Variants in PLEKHA6 observed in about 807,000 individuals in gnomAD.
The protein encoded by PLEKHA6 is pleckstrin homology domain containing A6, also known as pleckstrin homology domain-containing family A member 6.
In PLEKHA6, 60 loss-of-function variants were observed where a neutral mutation model predicts 116.7. The ratio of observed to expected loss-of-function variants is 0.51; its 90% confidence interval spans 0.42 to 0.64. The LOEUF (loss-of-function observed/expected upper bound fraction) is 0.64, where lower values mean the gene tolerates loss of function less well. Ranked by LOEUF, PLEKHA6 falls within the 30% of genes least tolerant of loss-of-function variation. PLEKHA6 has a pLI of 0.00. For synonymous variants in PLEKHA6, 489 were observed against 556.1 expected, an observed-to-expected ratio of 0.88 and a Z score of 1.70; for missense variants, 1,338 against 1,422.7, an observed-to-expected ratio of 0.94 and a Z score of 0.96.
At position 204,281,000 on chromosome 1, in the gene PLEKHA6, A is replaced by T. The variant is rs938629564; in HGVS notation, c.-94-6191T>A. 3 of 984,736 alleles carry T rather than the reference A, an allele frequency of 3.0e-6. No homozygotes were observed. The Admixed American group carries it at 1.8e-4, about 61-fold the overall frequency. 61.0% of individuals were successfully genotyped at this position (984,736 alleles called of 1,614,324 possible). ...TCAGGCCCTGGCAGCACTTCTAGGT[A>T]TTTGCAGGTGGGAAGGAACCCCTCC... On this transcript the variant is annotated intron_variant, in intron 1 of 22. Coordinates refer to ENST00000272203, the MANE Select transcript of PLEKHA6 (RefSeq NM_014935.5).
At position 204,223,908 on chromosome 1, in the gene PLEKHA6, C is replaced by A. The variant is rs540982796; in HGVS notation, c.3032-323G>T. Among the ~76,000 whole-genome samples, 8 of 152,322 alleles carry A rather than the reference C, an allele frequency of 5.3e-5. No homozygotes were observed. Among genetic ancestry groups the A allele is most frequent in the Non-Finnish European group, 1.0e-4 (7 of 68,032 alleles). ...ATGGGGAGATTCACACACCTCTCCA[C>A]TACTGTGCAGACAGAACCAGGGAGT... is the stretch of plus-strand genomic sequence containing the variant. On this transcript the variant is annotated intron_variant, in intron 21 of 22. Transcript: ENST00000272203. The surrounding 1 kb of genome is among the most constrained non-coding windows in gnomAD (Gnocchi z 4.8).
intron 1 of PLEKHA6, among the ~76,000 whole-genome samples, chr1:204,300,298 A>C (rs145942346): frequency 1.3e-5 from 2 of 152,288 alleles, no homozygotes; most frequent in East Asian, 3.9e-4. Flanking sequence ...CTCTCAAGAC[A>C]GGTCCCCACT....
At chr1:204,265,081 G>GTGTA (rs746597777) in intron 5 of PLEKHA6, 39 bp from the exon 6 acceptor site, 1 of 1,328,066 alleles carries the variant, frequency 7.5e-7, no homozygotes, top group Non-Finnish European at 1.1e-6. Flanking sequence ...GTGTGTGTGT[G>GTGTA]TGTGCAAGCG....
intron 5 of PLEKHA6, among the ~76,000 whole-genome samples, chr1:204,267,064 T>A (rs1032268566): frequency 6.6e-6 from 1 of 152,200 alleles, no homozygotes; most frequent in Non-Finnish European, 1.5e-5. Flanking sequence ...CCTTCACAGA[T>A]GGGACTGTGC....
intron 5 of PLEKHA6, among the ~76,000 whole-genome samples, chr1:204,265,445 C>T (rs1666682840): frequency 6.6e-6 from 1 of 152,104 alleles, no homozygotes; most frequent in Non-Finnish European, 1.5e-5. Flanking sequence ...CTATTATTAC[C>T]CTCATTTTAT....
chr1:204,306,022 G>T (rs946116633), intron 1 of PLEKHA6, among the ~76,000 whole-genome samples: 1 of 152,106 alleles, frequency 6.6e-6, no homozygotes, highest in African/African-American at 2.4e-5. Flanking sequence ...CACTTGCCTG[G>T]CTGCAGCTTT....
intron 1 of PLEKHA6, among the ~76,000 whole-genome samples, chr1:204,352,741 T>C (rs1474921487): frequency 1.3e-5 from 2 of 152,162 alleles, no homozygotes; most frequent in East Asian, 1.9e-4. Flanking sequence ...TCCCAATACT[T>C]TGGGAGGCCG....
At chr1:204,252,009 T>A (rs1459545370) in intron 9 of PLEKHA6, among the ~76,000 whole-genome samples, 4 of 151,952 alleles carry the variant, frequency 2.6e-5, no homozygotes, top group Admixed American at 2.6e-4. Flanking sequence ...AAAGTTGAAC[T>A]AAGTGAAACA....
At chr1:204,245,088 G>A in intron 14 of PLEKHA6, 85 bp from the exon 15 acceptor site, 1 of 938,210 alleles carries the variant, frequency 1.1e-6, no homozygotes. Context: ...GAGGTGGCAG[G>A]GAGAAGCCAG....
At chr1:204,288,722 G>A (rs573369755) in intron 1 of PLEKHA6, among the ~76,000 whole-genome samples, 22 of 152,170 alleles carry the variant, frequency 1.4e-4, no homozygotes, top group Non-Finnish European at 2.9e-4. Context: ...GAGCCTGGCT[G>A]TTCAGCTAGA....
chr1:204,276,978 C>A (rs72749793), intron 1 of PLEKHA6: 4,015 of 152,680 alleles, frequency 0.026, 78 homozygotes, highest in Non-Finnish European at 0.038. Flanking sequence ...GCTCATGATC[C>A]GTGGAAGACA....
intron 1 of PLEKHA6, among the ~76,000 whole-genome samples, chr1:204,283,848 C>T (rs1189907184): frequency 6.6e-6 from 1 of 152,202 alleles, no homozygotes; most frequent in Non-Finnish European, 1.5e-5. Flanking sequence ...GATGTAGGGG[C>T]ATGGAAGGGC....
intron 1 of PLEKHA6, among the ~76,000 whole-genome samples, chr1:204,331,733 G>GT (rs1672457103): frequency 6.6e-6 from 1 of 152,164 alleles, no homozygotes; most frequent in African/African-American, 2.4e-5. Flanking sequence ...GAAAGCAACT[G>GT]TAAGGAGTGA....
intron 1 of PLEKHA6, among the ~76,000 whole-genome samples, chr1:204,306,785 T>A (rs1558167956): frequency 6.6e-6 from 1 of 152,142 alleles, no homozygotes; most frequent in Non-Finnish European, 1.5e-5. Context: ...CTCAGCATTA[T>A]GCAATATATC....
intron 1 of PLEKHA6, among the ~76,000 whole-genome samples, chr1:204,338,678 T>G (rs979201391): frequency 6.6e-6 from 1 of 152,172 alleles, no homozygotes; most frequent in Non-Finnish European, 1.5e-5. Context: ...CAGGGAGACT[T>G]GTGGCTCCTG....
At chr1:204,324,794 T>C (rs998467618) in intron 1 of PLEKHA6, among the ~76,000 whole-genome samples, 3 of 152,238 alleles carry the variant, frequency 2.0e-5, no homozygotes, top group Non-Finnish European at 4.4e-5. Flanking sequence ...TAAAAGGGTA[T>C]TGGGTCACCT....
chr1:204,241,256 T>G, intron 17 of PLEKHA6, 119 bp downstream of exon 17: 2 of 660,024 alleles, frequency 3.0e-6, no homozygotes, highest in South Asian at 3.6e-5. Context: ...TCTCACGTGT[T>G]CCACCTTCCT....
At chr1:204,292,681 CCTGG>C in intron 1 of PLEKHA6, among the ~76,000 whole-genome samples, 1 of 152,218 alleles carries the variant, frequency 6.6e-6, no homozygotes, top group Non-Finnish European at 1.5e-5. Context: ...GGTGGATGCT[CCTGG>C]AGCATGCCAG....
At chr1:204,373,203 C>G (rs11584926) in intron 1 of PLEKHA6, among the ~76,000 whole-genome samples, 1 of 151,900 alleles carries the variant, frequency 6.6e-6, no homozygotes, top group African/African-American at 2.4e-5. Flanking sequence ...ATCCTCCCAC[C>G]TCAGCCACCC....
Sources: gnomAD v4.1 joint callset for allele counts (sites outside exome capture counted in the v4.1 genomes callset) on GRCh38, gnomAD v4.1.1 for gene constraint, Gnocchi (gnomAD v3.1) non-coding constraint, MANE v1.5 for transcripts, NCBI Gene and HGNC (gene_info 2026-07-23, HGNC 2026-07-21) for gene names.